Variants in CTNND2 observed in about 807,000 individuals in gnomAD.
CTNND2 encodes catenin delta-2.
A neutral mutation model predicts 144.4 loss-of-function variants in CTNND2; 22 were observed. The observed-to-expected ratio is 0.15, with a 90% CI of 0.11 to 0.22. The LOEUF is 0.22. CTNND2 is among the 10% of genes least tolerant of loss of function. CTNND2 has a pLI of 1.00. For missense variants in CTNND2, 1,353 were observed against 1,618.8 expected, an observed-to-expected ratio of 0.84 and a Z score of 2.82; for synonymous variants, 751 against 695.6, an observed-to-expected ratio of 1.08 and a Z score of -1.25.
Position 10,988,267 on chromosome 5 carries a change from A to G in CTNND2, c.3212-25T>C. ...GCTACATAAAGAAATCAAAAGGGGG[A>G]TTTTCTGCATCTCATCCCACAGCGT... is the stretch of plus-strand genomic sequence containing the variant. On this transcript the variant is annotated intron_variant, in intron 19 of 21. Coordinates refer to ENST00000304623, the MANE Select transcript of CTNND2 (RefSeq NM_001332.4). The surrounding 1 kb of genome is among the most constrained non-coding windows in gnomAD (Gnocchi z 5.9). The G allele has an allele frequency of 1.2e-6, 2 of 1,613,476 alleles. No homozygotes were observed. Among genetic ancestry groups the G allele is most frequent in the Non-Finnish European group, 1.7e-6 (2 of 1,179,744 alleles).
intron 9 of CTNND2, among the ~76,000 whole-genome samples, chr5:11,325,624 G>A (rs771187551): frequency 2.6e-5 from 4 of 151,670 alleles, no homozygotes; most frequent in Non-Finnish European, 4.4e-5. Context: ...CCCTCCAACC[G>A]ACTGAACTGA....
intron 1 of CTNND2, among the ~76,000 whole-genome samples, chr5:11,736,412 A>G (rs11952405): frequency 0.15 from 22,655 of 152,154 alleles, 1,861 homozygotes; most frequent in East Asian, 0.28. Context: ...CGCTACCTAA[A>G]GCAACCTCCA....
In CTNND2 at chr5:11,858,286, T is replaced by C. The variant is rs576365805; in HGVS notation, c.37+45531A>G. On this transcript the variant is annotated intron_variant, in intron 1 of 21. Coordinates refer to ENST00000304623, the MANE Select transcript of CTNND2 (RefSeq NM_001332.4). ...GTTGGTTTTATATAATATTGCCTTA[T>C]AAATGATGTCAGTATACATGCACAC... Among the ~76,000 whole-genome samples the C allele has an allele frequency of 2.0e-5, 3 of 152,334 alleles. No homozygotes were observed. The East Asian group carries it at 5.8e-4, about 29-fold the overall frequency.
chr5:11,432,418 T>C (rs1481386612), intron 3 of CTNND2, among the ~76,000 whole-genome samples: 1 of 152,166 alleles, frequency 6.6e-6, no homozygotes, highest in African/African-American at 2.4e-5. Flanking sequence ...CAGGGGAGTG[T>C]TGGCATGGCC....
At chr5:10,997,372 T>A (rs1739463745) in intron 18 of CTNND2, among the ~76,000 whole-genome samples, 1 of 152,096 alleles carries the variant, frequency 6.6e-6, no homozygotes, top group Non-Finnish European at 1.5e-5. Context: ...GGCGGGCAGA[T>A]CACGAGGTCA....
chr5:11,256,786 A>T (rs1744297325), intron 9 of CTNND2, among the ~76,000 whole-genome samples: 1 of 152,204 alleles, frequency 6.6e-6, no homozygotes, highest in Non-Finnish European at 1.5e-5. Context: ...GTGGGATAAA[A>T]GAGTGGGCAA....
intron 7 of CTNND2, among the ~76,000 whole-genome samples, chr5:11,371,245 A>C (rs974706527): frequency 6.6e-5 from 10 of 152,324 alleles, no homozygotes; most frequent in African/African-American, 2.2e-4. Context: ...AACCTCTTAA[A>C]ATGTTTGGCT....
intron 9 of CTNND2, among the ~76,000 whole-genome samples, chr5:11,274,441 C>A (rs1467741101): frequency 6.6e-6 from 1 of 152,020 alleles, no homozygotes; most frequent in African/African-American, 2.4e-5. Context: ...GAATGGTAAA[C>A]AACCTGTCTC....
At chr5:11,517,051 A>G (rs1772225934) in intron 3 of CTNND2, among the ~76,000 whole-genome samples, 1 of 152,234 alleles carries the variant, frequency 6.6e-6, no homozygotes. Flanking sequence ...ATATCAATAC[A>G]AATTCCAATA....
intron 1 of CTNND2, among the ~76,000 whole-genome samples, chr5:11,770,904 G>A (rs992382146): frequency 6.6e-6 from 1 of 151,944 alleles, no homozygotes; most frequent in Admixed American, 6.6e-5. Flanking sequence ...CCAAAAAGGA[G>A]GGGGGGACTA....
At chr5:11,094,540 C>T (rs6888035) in intron 15 of CTNND2, among the ~76,000 whole-genome samples, 5,806 of 145,444 alleles carry the variant, frequency 0.04, 211 homozygotes, top group African/African-American at 0.089. Context: ...AGTGCAGTGG[C>T]GTGATCCTGG....
intron 1 of CTNND2, among the ~76,000 whole-genome samples, chr5:11,770,384 T>C (rs576993611): frequency 7.1e-6 from 1 of 140,202 alleles, no homozygotes. Flanking sequence ...TTCAGATTGT[T>C]ACACGTGGTA....
chr5:11,366,619 G>C (rs551415095), intron 7 of CTNND2, among the ~76,000 whole-genome samples: 281 of 152,036 alleles, frequency 1.8e-3, no homozygotes, highest in Non-Finnish European at 2.6e-3. Context: ...TTGAGTTCCT[G>C]TTGTCAATTC....
At chr5:11,471,254 G>A (rs1034833524) in intron 3 of CTNND2, among the ~76,000 whole-genome samples, 3 of 151,878 alleles carry the variant, frequency 2.0e-5, no homozygotes, top group African/African-American at 4.8e-5. Context: ...TGGGATTACA[G>A]GCCTGAGCCA....
chr5:11,647,684 C>T (rs1782431690), intron 2 of CTNND2, among the ~76,000 whole-genome samples: 1 of 152,126 alleles, frequency 6.6e-6, no homozygotes, highest in Non-Finnish European at 1.5e-5. Context: ...CTCCACCTGT[C>T]TGATAACCAT....
chr5:11,527,120 T>C (rs1428088885), intron 3 of CTNND2, among the ~76,000 whole-genome samples: 2 of 152,110 alleles, frequency 1.3e-5, no homozygotes, highest in Admixed American at 6.6e-5. Context: ...TTTTGGAAGA[T>C]GAAAAAATTC....
chr5:11,713,429 A>G (rs1434641274), intron 2 of CTNND2, among the ~76,000 whole-genome samples: 2 of 151,784 alleles, frequency 1.3e-5, no homozygotes, highest in Non-Finnish European at 2.9e-5. Context: ...AAATACAACA[A>G]TTAGCTGGGC....
rs114602224 is a variant in CTNND2, at chr5:11,764,912, A to G, written c.38-32640T>C. On this transcript the variant is annotated intron_variant, in intron 1 of 21. Coordinates refer to ENST00000304623, the MANE Select transcript of CTNND2 (RefSeq NM_001332.4). ...TCAAACTTACATGTATGAAAAAAAA[A>G]GTGTCCAGATAAAAAATAAAGAATA... 3.9e-3 allele frequency among the ~76,000 whole-genome samples: 601 copies of G among 152,280 alleles called. 4 individuals carry two copies. The highest frequency in any genetic ancestry group is 0.013 in the African/African-American group (560 of 41,558).
intron 12 of CTNND2, among the ~76,000 whole-genome samples, chr5:11,138,073 G>A (rs1756335774): frequency 6.6e-6 from 1 of 152,190 alleles, no homozygotes. Context: ...AGTTTGTTAT[G>A]GTTGTAGGAC....
Sources: allele counts gnomAD v4.1 joint callset (sites outside exome capture counted in the v4.1 genomes callset), GRCh38; gene constraint gnomAD v4.1.1; non-coding constraint Gnocchi (gnomAD v3.1); transcripts MANE v1.5; gene names NCBI Gene and HGNC (gene_info 2026-07-23, HGNC 2026-07-21).